The following PTPRG variants were observed in gnomAD, a reference collection of about 807,000 sequenced individuals.
PTPRG encodes receptor-type tyrosine-protein phosphatase gamma.
A neutral mutation model predicts 165.3 loss-of-function variants in PTPRG; 102 were observed. The observed-to-expected ratio is 0.62, with a 90% confidence interval of 0.53 to 0.73. PTPRG has a LOEUF of 0.73. PTPRG is among the 30% of genes least tolerant of loss of function. The probability of loss-of-function intolerance (pLI) is 0.00; values close to 1 mark genes in which losing one functional copy is unlikely to be tolerated. For missense variants in PTPRG, 1,866 were observed against 1,861.4 expected (o/e 1.00, Z -0.05); for synonymous variants, 675 against 669.5 (o/e 1.01, Z -0.13).
chr3:61,595,208 T>G (rs1478442053), intron 1 of PTPRG, among the ~76,000 whole-genome samples: 1 of 151,772 alleles, frequency 6.6e-6, no homozygotes, highest in Non-Finnish European at 1.5e-5. Context: ...TCCTTTGTAC[T>G]CTGAATGTGG....
At chr3:62,126,641 C>T (rs531052915) in intron 5 of PTPRG, among the ~76,000 whole-genome samples, 2 of 152,290 alleles carry the variant, frequency 1.3e-5, no homozygotes, top group Admixed American at 1.3e-4. Flanking sequence ...GCCTCGGTGA[C>T]ATTTTGCTTA....
intron 2 of PTPRG, among the ~76,000 whole-genome samples, chr3:61,782,123 T>G (rs1443321222): frequency 6.6e-6 from 1 of 152,196 alleles, no homozygotes; most frequent in African/African-American, 2.4e-5. Context: ...TGTTATTTTG[T>G]GCAGCTACTT....
At chr3:61,843,896 T>C (rs2036725589) in intron 2 of PTPRG, among the ~76,000 whole-genome samples, 1 of 151,274 alleles carries the variant, frequency 6.6e-6, no homozygotes, top group Non-Finnish European at 1.5e-5. Context: ...AAATTTCAGG[T>C]GAAGTAAAAT....
intron 1 of PTPRG, among the ~76,000 whole-genome samples, chr3:61,602,445 A>G (rs1055575150): frequency 6.6e-6 from 1 of 152,128 alleles, no homozygotes; most frequent in Non-Finnish European, 1.5e-5. Flanking sequence ...GTGGGCTTCT[A>G]ATTTTCTCTG....
At chr3:61,594,125 C>T (rs919462878) in intron 1 of PTPRG, among the ~76,000 whole-genome samples, 1 of 152,060 alleles carries the variant, frequency 6.6e-6, no homozygotes, top group African/African-American at 2.4e-5. Context: ...AACAGAATAG[C>T]CTACCTGTTC....
At chr3:62,096,220 G>A (rs985659137) in intron 5 of PTPRG, among the ~76,000 whole-genome samples, 1 of 152,142 alleles carries the variant, frequency 6.6e-6, no homozygotes, top group African/African-American at 2.4e-5. Flanking sequence ...AGGAGGAAGG[G>A]AGTTTGTTTC....
chr3:61,968,179 C>T (rs2040311139), intron 2 of PTPRG, among the ~76,000 whole-genome samples: 1 of 152,108 alleles, frequency 6.6e-6, no homozygotes, highest in Non-Finnish European at 1.5e-5. Flanking sequence ...ATGGTCTGAA[C>T]CATTAAATGT....
intron 1 of PTPRG, among the ~76,000 whole-genome samples, chr3:61,680,516 AAACAC>A (rs1244879861): frequency 8.9e-5 from 13 of 146,466 alleles, no homozygotes; most frequent in Admixed American, 2.1e-4. Context: ...AAAAAAAAAA[AAACAC>A]AAAAAAACAG....
At chr3:61,692,577 C>G (rs992131193) in intron 1 of PTPRG, among the ~76,000 whole-genome samples, 1 of 151,752 alleles carries the variant, frequency 6.6e-6, no homozygotes, top group Non-Finnish European at 1.5e-5. Flanking sequence ...AGAGAGTCAG[C>G]GAGGCGAGGT....
At chr3:61,562,944 T>A (rs1020985471) in intron 1 of PTPRG, among the ~76,000 whole-genome samples, 2 of 150,806 alleles carry the variant, frequency 1.3e-5, no homozygotes, top group African/African-American at 2.4e-5. Context: ...GTCGGGGGCG[T>A]CCTCCCTCTC....
At chr3:62,114,325 A>C (rs1036963746) in intron 5 of PTPRG, among the ~76,000 whole-genome samples, 8 of 152,154 alleles carry the variant, frequency 5.3e-5, no homozygotes, top group Non-Finnish European at 8.8e-5. Flanking sequence ...ACAAAAAAAA[A>C]ACGTAGATTT....
chr3:61,593,519 C>G (rs967588473), intron 1 of PTPRG, among the ~76,000 whole-genome samples: 1 of 151,712 alleles, frequency 6.6e-6, no homozygotes, highest in Non-Finnish European at 1.5e-5. Flanking sequence ...TAAAAACAAG[C>G]TGTGTATACA....
chr3:61,949,447 T>G (rs2039843052), intron 2 of PTPRG, among the ~76,000 whole-genome samples: 1 of 152,170 alleles, frequency 6.6e-6, no homozygotes, highest in Non-Finnish European at 1.5e-5. Context: ...TCTTGAGCAT[T>G]GGTGGTGGAG....
In PTPRG at chr3:61,776,431, T is replaced by C. The variant is rs577061092; in HGVS notation, c.190+27449T>C. 2.0e-5 allele frequency among the ~76,000 whole-genome samples: 3 copies of C among 152,304 alleles called. No homozygotes were observed. The South Asian group carries it at 6.2e-4, about 32-fold the overall frequency. On this transcript the variant is annotated intron_variant, in intron 2 of 29. Transcript: ENST00000474889. Reference sequence around the variant, plus strand: ...CTTTCCCCTGCTGTGCGAAACACTCTTTGAAATCCCAGGTGTCACTTTATG... The same window carrying C: ...CTTTCCCCTGCTGTGCGAAACACTCCTTGAAATCCCAGGTGTCACTTTATG...
chr3:61,890,364 A>G (rs1268897987), intron 2 of PTPRG, among the ~76,000 whole-genome samples: 1 of 146,166 alleles, frequency 6.8e-6, no homozygotes, highest in African/African-American at 2.6e-5. Context: ...GTGCAAGGCG[A>G]TGGTCAGTGG....
intron 8 of PTPRG, among the ~76,000 whole-genome samples, chr3:62,185,943 T>C (rs529727581): frequency 2.6e-4 from 39 of 152,342 alleles, no homozygotes; most frequent in Non-Finnish European, 4.7e-4. Flanking sequence ...TCTTCCAAAC[T>C]GATCTATAGA....
intron 1 of PTPRG, among the ~76,000 whole-genome samples, chr3:61,657,241 G>C (rs544222147): frequency 6.6e-6 from 1 of 152,202 alleles, no homozygotes; most frequent in East Asian, 1.9e-4. Context: ...AAATAAGGAC[G>C]TTCCTTTCCT....
At chr3:62,216,864 C>CAG (rs1232368322) in intron 12 of PTPRG, among the ~76,000 whole-genome samples, 1 of 152,190 alleles carries the variant, frequency 6.6e-6, no homozygotes, top group Non-Finnish European at 1.5e-5. Context: ...GGTCTCCGTG[C>CAG]AGAACACCCT....
chr3:62,272,243 GTTC>G (rs1388742237), intron 21 of PTPRG, among the ~76,000 whole-genome samples: 1 of 152,062 alleles, frequency 6.6e-6, no homozygotes, highest in Non-Finnish European at 1.5e-5. Context: ...TTTCTGAAAG[GTTC>G]TTCTAAATAA....
Sources: allele counts gnomAD v4.1 joint callset (sites outside exome capture counted in the v4.1 genomes callset), GRCh38; gene constraint gnomAD v4.1.1; transcripts MANE v1.5; gene names NCBI Gene and HGNC (gene_info 2026-07-23, HGNC 2026-07-21).